Variants in PLPP4 observed in about 807,000 individuals in gnomAD.
PLPP4 encodes diacylglycerol pyrophosphate like 2.
A neutral mutation model predicts 32.2 loss-of-function variants in PLPP4; 20 were observed. The observed-to-expected ratio is 0.62, with a 90% CI of 0.44 to 0.90. PLPP4 has a LOEUF of 0.90. PLPP4 is among the 40% of genes least tolerant of loss of function. PLPP4 has a pLI of 0.00. For synonymous variants in PLPP4, 127 were observed against 133.0 expected (o/e 0.95, Z 0.31); for missense variants, 257 against 353.1 (o/e 0.73, Z 2.18).
At chr10:120,458,381 T>G (rs1161402438) in intron 1 of PLPP4, among the ~76,000 whole-genome samples, 2 of 152,188 alleles carry the variant, frequency 1.3e-5, no homozygotes, top group Non-Finnish European at 2.9e-5. Flanking sequence ...TTTATTTGTT[T>G]GTTTTTGTTT....
Position 120,590,576 on chromosome 10 carries a change from T to C in PLPP4, c.*1074T>C, listed in dbSNP as rs1327760205. On this transcript the variant is annotated 3_prime_UTR_variant, in exon 7 of 7. Coordinates refer to ENST00000398250, the MANE Select transcript of PLPP4 (RefSeq NM_001030059.3). The stretch of plus-strand genomic sequence containing the variant: ...TGTGTCTCTCGCTCAGCTCTTTGCA[T>C]TGTTGAATACAGCCAGTCAATATGA... Among the ~76,000 whole-genome samples the C allele has an allele frequency of 1.3e-5, 2 of 152,132 alleles. No individual in the cohort carries two copies. The highest frequency in any genetic ancestry group is 2.9e-5 in the Non-Finnish European group (2 of 68,032).
chr10:120,546,411 C>G (rs753280091), intron 5 of PLPP4, among the ~76,000 whole-genome samples: 1 of 152,142 alleles, frequency 6.6e-6, no homozygotes, highest in African/African-American at 2.4e-5. Flanking sequence ...GTGGCACCAG[C>G]CTTGAAAACC....
chr10:120,503,096 C>T (rs1398298985), intron 1 of PLPP4, among the ~76,000 whole-genome samples: 1 of 152,230 alleles, frequency 6.6e-6, no homozygotes, highest in African/African-American at 2.4e-5. Flanking sequence ...GTCCCATCCT[C>T]ACCATGGCCA....
At chr10:120,473,903 T>G (rs1403422255) in intron 1 of PLPP4, among the ~76,000 whole-genome samples, 3 of 152,192 alleles carry the variant, frequency 2.0e-5, no homozygotes, top group African/African-American at 7.2e-5. Context: ...TTAAACCTCT[T>G]TTCTTTATAA....
intron 5 of PLPP4, among the ~76,000 whole-genome samples, chr10:120,534,146 C>G (rs1182394882): frequency 3.9e-5 from 6 of 152,000 alleles, no homozygotes; most frequent in Admixed American, 2.0e-4. Flanking sequence ...TGAGGGGGGT[C>G]TGCTAGCAAT....
intron 1 of PLPP4, among the ~76,000 whole-genome samples, chr10:120,477,364 G>T (rs1843983946): frequency 7.1e-6 from 1 of 141,826 alleles, no homozygotes; most frequent in Non-Finnish European, 1.5e-5. Context: ...ATTATTTCAA[G>T]TTAAAAAAAA....
chr10:120,559,681 C>T (rs1016503000), intron 5 of PLPP4, among the ~76,000 whole-genome samples: 1 of 151,254 alleles, frequency 6.6e-6, no homozygotes, highest in African/African-American at 2.4e-5. Context: ...TGAAAAAACT[C>T]ATAGAGGAAT....
rs766756283 is a variant in PLPP4, at chr10:120,590,399, C to A, written c.*897C>A. ...ATTGGGGATAAGAAGCAACTTCAGG[C>A]TGAGAATTTTTCCCCTTTAGGATCT... On this transcript the variant is annotated 3_prime_UTR_variant, in exon 7 of 7. Coordinates refer to ENST00000398250, the MANE Select transcript of PLPP4 (RefSeq NM_001030059.3). 2.0e-5 allele frequency among the ~76,000 whole-genome samples: 3 copies of A among 152,190 alleles called. No individual in the cohort carries two copies. Among genetic ancestry groups the A allele is most frequent in the Non-Finnish European group, 4.4e-5 (3 of 68,034 alleles).
chr10:120,563,800 C>A (rs1434789566), intron 5 of PLPP4, among the ~76,000 whole-genome samples: 1 of 65,532 alleles, frequency 1.5e-5, no homozygotes, highest in Non-Finnish European at 2.7e-5. Context: ...GAGCGAGACT[C>A]CGTCTCAAAA....
chr10:120,458,515 G>A (rs77111602), intron 1 of PLPP4, among the ~76,000 whole-genome samples: 4 of 152,212 alleles, frequency 2.6e-5, no homozygotes, highest in Non-Finnish European at 4.4e-5. Flanking sequence ...CAGCCCAGGG[G>A]ATACACATGG....
At chr10:120,488,247 T>A (rs1844553814) in intron 1 of PLPP4, among the ~76,000 whole-genome samples, 1 of 152,244 alleles carries the variant, frequency 6.6e-6, no homozygotes, top group African/African-American at 2.4e-5. Context: ...ACATTTATTA[T>A]CTTATTTGAA....
chr10:120,525,493 C>A (rs551985371), intron 5 of PLPP4, among the ~76,000 whole-genome samples: 1 of 152,248 alleles, frequency 6.6e-6, no homozygotes, highest in African/African-American at 2.4e-5. Context: ...TAGGTATGTA[C>A]CAGGATGAGC....
chr10:120,510,409 A>G (rs571890136), intron 2 of PLPP4, among the ~76,000 whole-genome samples: 2 of 152,288 alleles, frequency 1.3e-5, no homozygotes, highest in Non-Finnish European at 2.9e-5. Context: ...TGGAAACATT[A>G]ACAGAAGAGA....
chr10:120,478,487 A>G (rs1844035969), intron 1 of PLPP4, among the ~76,000 whole-genome samples: 1 of 152,252 alleles, frequency 6.6e-6, no homozygotes, highest in Non-Finnish European at 1.5e-5. Flanking sequence ...TGAAACAAGC[A>G]TAGGCTTGAT....
chr10:120,589,510 C>T lies in PLPP4; in HGVS notation c.*8C>T. 1 of 1,612,090 alleles carries T rather than the reference C, an allele frequency of 6.2e-7. No individual in the cohort carries two copies. The highest frequency in any genetic ancestry group is 8.5e-7 in the Non-Finnish European group (1 of 1,178,718). On this transcript the variant is annotated 3_prime_UTR_variant, in exon 7 of 7. Coordinates refer to ENST00000398250, the MANE Select transcript of PLPP4 (RefSeq NM_001030059.3). ...ACCGAAGGCCCGGTATGACCAGTGT[C>T]CTGGGAGGATGGACACTAAGCCCTG...
rs570084003 is a variant in PLPP4, at chr10:120,493,331, C to T, written c.57-10487C>T. ...TTGGGTCTAAGGGTTTGATGAGATC[C>T]GGAGTATGCATGTTTGGGAAGAATG... is the stretch of plus-strand genomic sequence containing the variant. On this transcript the variant is annotated intron_variant, in intron 1 of 6. Coordinates refer to ENST00000398250, the MANE Select transcript of PLPP4 (RefSeq NM_001030059.3). Among the ~76,000 whole-genome samples, 11 of 152,208 alleles carry T rather than the reference C, an allele frequency of 7.2e-5. No individual in the cohort carries two copies. In the South Asian group the frequency reaches 8.3e-4, roughly 11 times the overall value.
chr10:120,513,660 C>G (rs536856534), intron 2 of PLPP4, among the ~76,000 whole-genome samples: 4 of 152,206 alleles, frequency 2.6e-5, no homozygotes, highest in Non-Finnish European at 4.4e-5. Flanking sequence ...TAAAAAGTCA[C>G]TGCTTTAAAC....
chr10:120,475,389 G>A (rs965913647), intron 1 of PLPP4, among the ~76,000 whole-genome samples: 5 of 152,118 alleles, frequency 3.3e-5, no homozygotes, highest in South Asian at 2.1e-4. Context: ...TCCTCCCTTC[G>A]TAATAATGGG....
chr10:120,481,182 A>G (rs1188647877), intron 1 of PLPP4, among the ~76,000 whole-genome samples: 1 of 152,140 alleles, frequency 6.6e-6, no homozygotes, highest in Non-Finnish European at 1.5e-5. Context: ...TGGATCTTGT[A>G]CCCCTGTAGG....
Sources: gnomAD v4.1 joint callset for allele counts (sites outside exome capture counted in the v4.1 genomes callset) on GRCh38, gnomAD v4.1.1 for gene constraint, MANE v1.5 for transcripts, NCBI Gene and HGNC (gene_info 2026-07-23, HGNC 2026-07-21) for gene names.